TESK2: variants seen among roughly 807,000 people sequenced by gnomAD.
TESK2 encodes the protein testis associated actin remodelling kinase 2.
A neutral mutation model predicts 57.1 loss-of-function variants in TESK2; 39 were observed. The observed-to-expected ratio is 0.68, with a 90% CI of 0.53 to 0.89. TESK2 has a LOEUF of 0.89. TESK2 is among the 40% of genes least tolerant of loss of function. The probability of loss-of-function intolerance (pLI) is 0.00; values close to 1 mark genes in which losing one functional copy is unlikely to be tolerated. For missense variants in TESK2, 646 were observed against 732.1 expected (o/e 0.88, Z 1.36); for synonymous variants, 249 against 267.9 (o/e 0.93, Z 0.69).
chr1:45,344,936 C>T lies in TESK2; in HGVS notation c.1620G>A (p.Glu540=). 1 of 1,614,240 alleles carries T rather than the reference C, an allele frequency of 6.2e-7. No homozygotes were observed. Among genetic ancestry groups the T allele is most frequent in the South Asian group, 1.1e-5 (1 of 91,090 alleles). The part of the protein sequence containing the change: ...GTSPCPAGAS[E]EMEVEERPAG... ...CTGGCCTTTCTTCTACCTCCATCTC[C>T]TCAGAAGCACCCGCAGGGCATGGAC... The change falls in exon 11 of 11, where the codon GAG becomes GAA. Residue 540 remains glutamate, a synonymous_variant. Transcript: ENST00000372086.
chr1:45,490,902 A>T lies in TESK2; in HGVS notation c.-137T>A, dbSNP rs1653692191. 6.5e-6 allele frequency: 1 copy of T among 152,692 alleles called. No individual in the cohort carries two copies. Among genetic ancestry groups the T allele is most frequent in the African/African-American group, 2.4e-5 (1 of 41,422 alleles). 9.5% of individuals were successfully genotyped at this position (152,692 alleles called of 1,614,324 possible). On this transcript the variant is annotated 5_prime_UTR_variant, in exon 1 of 11. Coordinates refer to ENST00000372086, the MANE Select transcript of TESK2 (RefSeq NM_007170.3). ...GGGTGCCTGCGCGGGCAAGAGGAGG[A>T]GACGGCGGCAAAGAGGGAGCATAGT...
chr1:45,473,312 C>T (rs1652849739), intron 1 of TESK2, among the ~76,000 whole-genome samples: 1 of 151,930 alleles, frequency 6.6e-6, no homozygotes, highest in Admixed American at 6.6e-5. Context: ...TCAATATATA[C>T]AGGACAAAAA....
intron 4 of TESK2, among the ~76,000 whole-genome samples, chr1:45,360,065 A>C (rs1451149730): frequency 1.3e-5 from 2 of 152,196 alleles, no homozygotes; most frequent in Admixed American, 1.3e-4. Context: ...CCAACTTCTC[A>C]AAAGGGAAAC....
chr1:45,349,432 C>G (rs1647202391), intron 5 of TESK2, among the ~76,000 whole-genome samples: 1 of 152,190 alleles, frequency 6.6e-6, no homozygotes, highest in Non-Finnish European at 1.5e-5. Context: ...AAGATGGGCC[C>G]TAGGCCAGCC....
intron 3 of TESK2, among the ~76,000 whole-genome samples, chr1:45,394,303 C>G (rs1234208478): frequency 1.3e-5 from 2 of 148,260 alleles, no homozygotes; most frequent in Non-Finnish European, 3.0e-5. Context: ...GCTGGGACTA[C>G]AGGCACACAC....
intron 3 of TESK2, among the ~76,000 whole-genome samples, chr1:45,413,178 T>C (rs1557563125): frequency 6.6e-6 from 1 of 152,202 alleles, no homozygotes; most frequent in African/African-American, 2.4e-5. Context: ...AAGTACTTTA[T>C]TGTTCCTTTT....
intron 2 of TESK2, among the ~76,000 whole-genome samples, chr1:45,456,217 T>TA: frequency 6.6e-6 from 1 of 150,736 alleles, no homozygotes; most frequent in Middle Eastern, 3.5e-3. Context: ...TAAAATAAAA[T>TA]AAAATAATAG....
At chr1:45,346,249 C>G (rs1004088743) in intron 9 of TESK2, among the ~76,000 whole-genome samples, 1 of 152,208 alleles carries the variant, frequency 6.6e-6, no homozygotes, top group Non-Finnish European at 1.5e-5. Flanking sequence ...TTAGTTTATT[C>G]TGTTCTTGAG....
intron 4 of TESK2, among the ~76,000 whole-genome samples, chr1:45,381,676 G>A (rs1316325181): frequency 1.3e-5 from 2 of 151,874 alleles, no homozygotes; most frequent in East Asian, 1.9e-4. Context: ...AAATGTATGA[G>A]AAATAAACGT....
chr1:45,391,730 T>C (rs575479152), intron 3 of TESK2, among the ~76,000 whole-genome samples: 1 of 152,290 alleles, frequency 6.6e-6, no homozygotes, highest in African/African-American at 2.4e-5. Context: ...TGGACGCCCT[T>C]AGCATTAATC....
Position 45,361,892 on chromosome 1 carries a change from C to A in TESK2, c.394-6443G>T, listed in dbSNP as rs80355006. ...GTGGCTCTCGCCTGTAATCCCAGCA[C>A]TTTGAGAAGCTGATGTGGGAGGATC... On this transcript the variant is annotated intron_variant, in intron 4 of 10. Transcript: ENST00000372086. 5.7e-4 allele frequency among the ~76,000 whole-genome samples: 87 copies of A among 152,270 alleles called. No individual in the cohort carries two copies. The East Asian group carries it at 0.014, about 24-fold the overall frequency.
At chr1:45,390,301 C>CA (rs1310363278) in intron 3 of TESK2, among the ~76,000 whole-genome samples, 2 of 151,628 alleles carry the variant, frequency 1.3e-5, no homozygotes, top group African/African-American at 2.4e-5. Flanking sequence ...ATTTTTTATA[C>CA]AAAAAAATAC....
chr1:45,484,503 A>G lies in TESK2; in HGVS notation c.-87+6349T>C, dbSNP rs574935379. Among the ~76,000 whole-genome samples the G allele has an allele frequency of 1.2e-3, 186 of 151,796 alleles. 2 individuals are homozygous for G. Among genetic ancestry groups the G allele is most frequent in the African/African-American group, 4.4e-3 (182 of 41,484 alleles). On this transcript the variant is annotated intron_variant, in intron 1 of 10. Transcript: ENST00000372086. Reference sequence around the variant, plus strand: ...GTAATCCCAGCACTTTGGGAGGCTGAGGCGGGCAGATCACTTGAGGTCAGG... The same window carrying G: ...GTAATCCCAGCACTTTGGGAGGCTGGGGCGGGCAGATCACTTGAGGTCAGG...
chr1:45,348,339 G>A lies in TESK2; in HGVS notation c.541-339C>T, dbSNP rs567731105. ...GTCCTCTTGGAGCTTGCAATATAGG[G>A]GAGAACAACAGACTATCAGGCCCCT... On this transcript the variant is annotated intron_variant, in intron 5 of 10. Transcript: ENST00000372086. 7.2e-5 allele frequency among the ~76,000 whole-genome samples: 11 copies of A among 152,292 alleles called. No individual in the cohort carries two copies. In the East Asian group the frequency reaches 2.1e-3, roughly 29 times the overall value.
chr1:45,423,911 A>G (rs1366301708), intron 2 of TESK2, among the ~76,000 whole-genome samples: 1 of 152,234 alleles, frequency 6.6e-6, no homozygotes, highest in South Asian at 2.1e-4. Flanking sequence ...TGGTAGCAAA[A>G]TAAGACCACC....
chr1:45,358,141 G>A (rs1468948217), intron 4 of TESK2, among the ~76,000 whole-genome samples: 3 of 151,006 alleles, frequency 2.0e-5, no homozygotes, highest in Admixed American at 6.6e-5. Flanking sequence ...CTGAATCCCC[G>A]TCTCTACTAA....
intron 2 of TESK2, among the ~76,000 whole-genome samples, chr1:45,445,390 T>C (rs1651605861): frequency 6.6e-6 from 1 of 152,146 alleles, no homozygotes; most frequent in African/African-American, 2.4e-5. Context: ...TCTCAATTTA[T>C]TGGCTTTTCT....
chr1:45,448,249 A>AG (rs1276618944), intron 2 of TESK2, among the ~76,000 whole-genome samples: 4 of 149,302 alleles, frequency 2.7e-5, no homozygotes, highest in Admixed American at 6.7e-5. Flanking sequence ...AAAAAAAAAA[A>AG]AAAAAAGAAA....
At chr1:45,407,247 G>GT (rs35353213) in intron 3 of TESK2, among the ~76,000 whole-genome samples, 32 of 151,362 alleles carry the variant, frequency 2.1e-4, no homozygotes, top group African/African-American at 7.5e-4. Flanking sequence ...CCCACAATGG[G>GT]TTTTTTTTTG....
Sources: gnomAD v4.1 joint callset for allele counts (sites outside exome capture counted in the v4.1 genomes callset) on GRCh38, gnomAD v4.1.1 for gene constraint, MANE v1.5 for transcripts, NCBI Gene and HGNC (gene_info 2026-07-23, HGNC 2026-07-21) for gene names.